Variants in PFKM observed in about 807,000 individuals in gnomAD.
PFKM encodes the protein phosphofructokinase, muscle, also known as ATP-dependent 6-phosphofructokinase, muscle type.
Under a neutral mutation model 95.5 loss-of-function variants are expected in PFKM, and 58 were observed. That is an observed-to-expected ratio of 0.61 (90% CI 0.49 to 0.76). PFKM has a LOEUF of 0.76. PFKM is among the 30% of genes least tolerant of loss of function. PFKM has a pLI of 0.00. For synonymous variants in PFKM, 336 were observed against 357.2 expected (o/e 0.94, Z 0.67); for missense variants, 678 against 1,005.4 (o/e 0.67, Z 4.40).
intron 2 of PFKM, among the ~76,000 whole-genome samples, chr12:48,107,740 T>C (rs1166091657): frequency 2.0e-5 from 3 of 152,214 alleles, no homozygotes; most frequent in Non-Finnish European, 2.9e-5. Flanking sequence ...TGTGTTGTTA[T>C]GTGAATTACT....
In PFKM at chr12:48,145,506, G is replaced by A. The variant is rs1950968268; in HGVS notation, c.2199-58G>A. On this transcript the variant is annotated intron_variant, in intron 22 of 22. Transcript: ENST00000359794. This position sits in a 1 kb window ranked among gnomAD's most constrained non-coding sequence, Gnocchi z 4.3. ...TCTAACTTCTTCCTATAAACCTTTG[G>A]TAGAAGTTGATTGGGGTGCTAAAAG... The A allele has an allele frequency of 1.9e-6, 3 of 1,602,020 alleles. No individual in the cohort carries two copies. In the Admixed American group the frequency reaches 5.0e-5, roughly 27 times the overall value.
intron 4 of PFKM, 102 bp downstream of exon 4, chr12:48,131,495 A>C: frequency 1.2e-6 from 1 of 853,344 alleles, no homozygotes; most frequent in Admixed American, 1.8e-5. Flanking sequence ...ATGTGGTTTC[A>C]TGGGAAGGAA....
intron 2 of PFKM, among the ~76,000 whole-genome samples, chr12:48,127,500 C>T (rs1948980517): frequency 6.6e-6 from 1 of 152,218 alleles, no homozygotes; most frequent in Non-Finnish European, 1.5e-5. Context: ...TTTTCTCCTT[C>T]TCTGACCCTT....
At chr12:48,125,371 C>G (rs914537385) in intron 2 of PFKM, 2 of 445,192 alleles carry the variant, frequency 4.5e-6, no homozygotes, top group South Asian at 1.6e-5. Flanking sequence ...CCTGTAATCC[C>G]AGGACTTTGG....
At chr12:48,118,011 A>T (rs1947827727), upstream of PFKM, among the ~76,000 whole-genome samples, 1 of 152,258 alleles carries the variant, frequency 6.6e-6, no homozygotes, top group Non-Finnish European at 1.5e-5. Flanking sequence ...ATAGAAAAGC[A>T]ATCTGTGAGG....
chr12:48,124,830 T>C (rs1030738054), intron 2 of PFKM, among the ~76,000 whole-genome samples: 1 of 152,138 alleles, frequency 6.6e-6, no homozygotes, highest in African/African-American at 2.4e-5. Context: ...AAACTCAAAA[T>C]AGAGCTGAGA....
chr12:48,112,509 G>A (rs1947285619), intron 3 of PFKM, among the ~76,000 whole-genome samples: 1 of 152,246 alleles, frequency 6.6e-6, no homozygotes, highest in African/African-American at 2.4e-5. Context: ...TACAGCCCAG[G>A]TAATTTGCTG....
At chr12:48,107,872 C>A (rs1946836452) in intron 2 of PFKM, among the ~76,000 whole-genome samples, 1 of 152,138 alleles carries the variant, frequency 6.6e-6, no homozygotes, top group Admixed American at 6.5e-5. Flanking sequence ...CTCAAAGTAT[C>A]TAGTTATATG....
chr12:48,140,261 G>A (rs1950461720), intron 13 of PFKM, among the ~76,000 whole-genome samples: 1 of 152,202 alleles, frequency 6.6e-6, no homozygotes, highest in South Asian at 2.1e-4. Context: ...TTCCACTGGA[G>A]TAGTGGTTCT....
At chr12:48,126,198 G>A (rs552600837) in intron 2 of PFKM, among the ~76,000 whole-genome samples, 84 of 152,310 alleles carry the variant, frequency 5.5e-4, no homozygotes, top group Non-Finnish European at 9.6e-4. Flanking sequence ...GTTATTTAGG[G>A]CAACATGGAA....
At chr12:48,131,281 C>T (rs1167012004) in intron 3 of PFKM, 35 bp from the exon 4 acceptor site, 2 of 1,420,588 alleles carry the variant, frequency 1.4e-6, no homozygotes, top group Non-Finnish European at 1.0e-6. Context: ...TATAGAGAAG[C>T]CTAACGGGCT....
At chr12:48,125,395 G>T (rs1262300707) in intron 2 of PFKM, 1 of 436,936 alleles carries the variant, frequency 2.3e-6, no homozygotes, top group Non-Finnish European at 4.6e-6. Flanking sequence ...GCCGAGGCGG[G>T]CAGATCACCC....
chr12:48,112,236 A>G (rs1045909512), intron 3 of PFKM, among the ~76,000 whole-genome samples: 2 of 152,338 alleles, frequency 1.3e-5, no homozygotes, highest in Middle Eastern at 3.4e-3. Flanking sequence ...CTGTGGGGTC[A>G]GCTAGGTTTG....
intron 1 of PFKM, chr12:48,119,980 C>T (rs561235358): frequency 4.6e-5 from 7 of 152,160 alleles, no homozygotes; most frequent in Non-Finnish European, 8.8e-5. Flanking sequence ...CCCTCACTGA[C>T]GCTTCCAGGG....
At chr12:48,141,875 C>G in intron 16 of PFKM, 39 bp from the exon 17 acceptor site, 1 of 1,613,804 alleles carries the variant, frequency 6.2e-7, no homozygotes, top group Non-Finnish European at 8.5e-7. Flanking sequence ...ACCTCCTCTC[C>G]CTCTCCCCAA....
At chr12:48,127,735 G>A (rs1201037867) in intron 2 of PFKM, among the ~76,000 whole-genome samples, 10 of 152,200 alleles carry the variant, frequency 6.6e-5, no homozygotes. Context: ...ATCGCATCAT[G>A]TCCCTCTGCT....
intron 3 of PFKM, among the ~76,000 whole-genome samples, chr12:48,112,686 C>T (rs997444700): frequency 1.2e-4 from 18 of 152,132 alleles, no homozygotes; most frequent in Non-Finnish European, 2.2e-4. Flanking sequence ...GCCTTTGGCA[C>T]CACGGGGTGG....
At chr12:48,122,711 G>A in intron 1 of PFKM, 56 bp from the exon 2 acceptor site, 1 of 1,611,936 alleles carries the variant, frequency 6.2e-7, no homozygotes, top group South Asian at 1.1e-5. Flanking sequence ...CGTTCCTTTA[G>A]CTAGTGGCAT....
Position 48,138,223 on chromosome 12 carries a change from C to T in PFKM, c.1062+377C>T, listed in dbSNP as rs571496005. Among the ~76,000 whole-genome samples the T allele has an allele frequency of 1.4e-3, 217 of 152,280 alleles. 1 individual carries two copies. The highest frequency in any genetic ancestry group is 1.9e-3 in the Non-Finnish European group (129 of 68,012). On this transcript the variant is annotated intron_variant, in intron 11 of 22. Transcript: ENST00000359794. ...TAAATTCTAGCTGGGTAGCTTTTGTCTCTATGATTTCTATCTTGAACATGT... is the reference window on the plus strand; with the variant it reads ...TAAATTCTAGCTGGGTAGCTTTTGTTTCTATGATTTCTATCTTGAACATGT...
Sources: allele counts gnomAD v4.1 joint callset (sites outside exome capture counted in the v4.1 genomes callset), GRCh38; gene constraint gnomAD v4.1.1; non-coding constraint Gnocchi (gnomAD v3.1); transcripts MANE v1.5; gene names NCBI Gene and HGNC (gene_info 2026-07-23, HGNC 2026-07-21).